Variants in TGFBI observed in about 807,000 individuals in gnomAD.
TGFBI encodes transforming growth factor beta induced, also known as transforming growth factor-beta-induced protein ig-h3.
A neutral mutation model predicts 73.7 loss-of-function variants in TGFBI; 50 were observed. The observed-to-expected ratio is 0.68, with a 90% CI of 0.54 to 0.86. TGFBI has a LOEUF of 0.86. TGFBI is among the 40% of genes least tolerant of loss of function. The pLI, the probability that TGFBI is intolerant of heterozygous loss-of-function variation, is 0.00. For missense variants in TGFBI, 839 were observed against 877.0 expected (o/e 0.96, Z 0.55); for synonymous variants, 362 against 360.5 (o/e 1.00, Z -0.05).
In TGFBI at chr5:136,063,325, C is replaced by A; in HGVS notation, c.*99C>A. 2 of 1,108,208 alleles carry A rather than the reference C, an allele frequency of 1.8e-6. No homozygotes were observed. The highest frequency in any genetic ancestry group is 1.3e-5 in the South Asian group (1 of 75,806). The allele number at this position is 1,108,208 out of a possible 1,614,324, so 68.6% of individuals were successfully genotyped here. On this transcript the variant is annotated 3_prime_UTR_variant, in exon 17 of 17. Transcript: ENST00000442011. Reference sequence around the variant, plus strand: ...TGAATGTTTTCAAAACCAAGTATCACACTTTAATGTACATGGGCCGCACCA... The same window carrying A: ...TGAATGTTTTCAAAACCAAGTATCAAACTTTAATGTACATGGGCCGCACCA...
chr5:136,049,845 C>T (rs1751500666), intron 7 of TGFBI: 4 of 386,718 alleles, frequency 1.0e-5, no homozygotes, highest in Non-Finnish European at 1.9e-5. Flanking sequence ...AGACCCATAG[C>T]TGGCCCTGGC....
At chr5:136,056,642 A>G (rs747785814) in intron 11 of TGFBI, 23 bp from the exon 12 acceptor site, 3 of 1,613,558 alleles carry the variant, frequency 1.9e-6, no homozygotes, top group African/African-American at 2.7e-5. Context: ...GACAGGTGAC[A>G]TTTTCTGTGT....
At chr5:136,050,393 G>A (rs537180091) in intron 7 of TGFBI, among the ~76,000 whole-genome samples, 55 of 151,550 alleles carry the variant, frequency 3.6e-4, no homozygotes, top group African/African-American at 1.1e-3. Flanking sequence ...TTCAGATTTC[G>A]TCATGCCCTC....
intron 15 of TGFBI, among the ~76,000 whole-genome samples, chr5:136,062,254 G>A (rs1169987992): frequency 6.6e-6 from 1 of 152,172 alleles, no homozygotes; most frequent in African/African-American, 2.4e-5. Context: ...GCTGCAGGGA[G>A]CCATCCTAAA....
intron 4 of TGFBI, 53 bp from the exon 5 acceptor site, chr5:136,046,798 C>T: frequency 6.4e-7 from 1 of 1,569,506 alleles, no homozygotes; most frequent in Non-Finnish European, 8.7e-7. Context: ...AAGGACCCAT[C>T]TCTTAAACAC....
chr5:136,053,889 G>T, intron 8 of TGFBI, 54 bp from the exon 9 acceptor site: 1 of 1,606,682 alleles, frequency 6.2e-7, no homozygotes, highest in South Asian at 1.1e-5. Context: ...GTGGATGAAT[G>T]ATAAATGAAA....
intron 4 of TGFBI, 136 bp downstream of exon 4, chr5:136,046,631 G>T: frequency 1.5e-6 from 2 of 1,303,324 alleles, no homozygotes. Flanking sequence ...CCTTAGAAAA[G>T]GCTGTGGAAC....
intron 14 of TGFBI, 46 bp downstream of exon 14, chr5:136,060,982 A>G (rs773020422): frequency 1.5e-6 from 2 of 1,374,642 alleles, no homozygotes; most frequent in South Asian, 1.5e-5. Context: ...CCTTTTCTTC[A>G]TGTGGCAGTT....
At position 136,033,871 on chromosome 5, in the gene TGFBI, T is replaced by C; in HGVS notation, c.233+10T>C. ...TCTGTGGCAAATCAACGTGAGTATC[T>C]GTAACCAGCCAGGAGACCAAGCTGT... On this transcript the variant is annotated intron_variant, in intron 2 of 16. Coordinates refer to ENST00000442011, the MANE Select transcript of TGFBI (RefSeq NM_000358.3). 1.9e-6 allele frequency: 3 copies of C among 1,611,344 alleles called. No homozygotes were observed. The highest frequency in any genetic ancestry group is 2.5e-6 in the Non-Finnish European group (3 of 1,178,126).
intron 2 of TGFBI, among the ~76,000 whole-genome samples, chr5:136,034,593 T>C (rs969052803): frequency 6.6e-6 from 1 of 151,362 alleles, no homozygotes; most frequent in Non-Finnish European, 1.5e-5. Context: ...GAAGTAAGAG[T>C]GCCAACGGGG....
intron 11 of TGFBI, chr5:136,056,365 C>T (rs1751631878): frequency 3.0e-6 from 1 of 337,822 alleles, no homozygotes; most frequent in African/African-American, 2.1e-5. Flanking sequence ...CCTGGAGGCT[C>T]AGCTAGTCTC....
rs151220278 is a variant in TGFBI, at chr5:136,059,483, T to G, written c.1803+269T>G. 4.4e-3 allele frequency among the ~76,000 whole-genome samples: 676 copies of G among 152,294 alleles called. 3 individuals carry two copies. The highest frequency in any genetic ancestry group is 0.015 in the African/African-American group (634 of 41,556). ...TCTGAGAGAGGCTATTAGATCTTCC[T>G]TCTCTTAAGGAGGTTGTAGGCAACT... is the stretch of plus-strand genomic sequence containing the variant. On this transcript the variant is annotated intron_variant, in intron 13 of 16. Coordinates refer to ENST00000442011, the MANE Select transcript of TGFBI (RefSeq NM_000358.3).
intron 3 of TGFBI, among the ~76,000 whole-genome samples, chr5:136,045,203 C>G (rs986822161): frequency 6.6e-6 from 1 of 152,100 alleles, no homozygotes; most frequent in South Asian, 2.1e-4. Flanking sequence ...GCCAAGAATT[C>G]GAGACCAGCA....
intron 1 of TGFBI, among the ~76,000 whole-genome samples, chr5:136,032,699 A>G (rs1039700837): frequency 3.9e-5 from 6 of 152,136 alleles, no homozygotes; most frequent in Admixed American, 3.9e-4. Context: ...AGTCAGATGC[A>G]TGCCTGCCTC....
chr5:136,050,667 T>C (rs1375319646), intron 7 of TGFBI, among the ~76,000 whole-genome samples: 1 of 152,244 alleles, frequency 6.6e-6, no homozygotes, highest in East Asian at 1.9e-4. Flanking sequence ...CCAGGATCAC[T>C]TGATTTCTTT....
chr5:136,053,992 T>C lies in TGFBI; in HGVS notation c.1176T>C (p.Ile392=). 1.2e-6 allele frequency: 2 copies of C among 1,614,020 alleles called. No homozygotes were observed. The highest frequency in any genetic ancestry group is 1.7e-6 in the Non-Finnish European group (2 of 1,179,892). ...CAGAGTCTGATGTGTCCACAGCCAT[T>C]GACCTTTTCAGACAAGCCGGCCTCG... is the stretch of plus-strand genomic sequence containing the variant. ...LAAESDVSTA[I]DLFRQAGLGN... is the part of the protein sequence containing the mutation. The change falls in exon 9 of 17, where the codon ATT becomes ATC. Residue 392 remains isoleucine (I), a synonymous_variant. Transcript: ENST00000442011.
chr5:136,053,096 A>T lies in TGFBI; in HGVS notation c.1103A>T (p.Asp368Val). Residue 368 changes from aspartate (D) to valine (V), a missense_variant, in exon 8 of 17, where the codon GAT becomes GTT. Coordinates refer to ENST00000442011, the MANE Select transcript of TGFBI (RefSeq NM_000358.3). ...ACCAACGGGGTGATCCACTACATTG[A>T]TGAGCTACTCATCCCAGACTCAGGT... ...LATNGVIHYI[D>V]ELLIPDSAKT... The T allele has an allele frequency of 6.2e-7, 1 of 1,614,002 alleles. No individual in the cohort carries two copies. The highest frequency in any genetic ancestry group is 8.5e-7 in the Non-Finnish European group (1 of 1,179,884).
At chr5:136,029,316 C>A in intron 1 of TGFBI, 127 bp downstream of exon 1, 2 of 1,156,502 alleles carry the variant, frequency 1.7e-6, no homozygotes, top group Non-Finnish European at 2.3e-6. Context: ...AACCTTGCAG[C>A]ATGGAGCGCT....
chr5:136,039,247 AAT>A (rs981987315), intron 2 of TGFBI, among the ~76,000 whole-genome samples: 30 of 152,344 alleles, frequency 2.0e-4, no homozygotes, highest in African/African-American at 7.2e-4. Flanking sequence ...CTATAAGATA[AAT>A]ATGATTATTA....
Sources: gnomAD v4.1 joint callset for allele counts (sites outside exome capture counted in the v4.1 genomes callset) on GRCh38, gnomAD v4.1.1 for gene constraint, MANE v1.5 for transcripts, NCBI Gene and HGNC (gene_info 2026-07-23, HGNC 2026-07-21) for gene names.